The following AGBL1 variants were observed in gnomAD, a reference collection of about 807,000 sequenced individuals.
AGBL1 encodes AGBL carboxypeptidase 1, also known as cytosolic carboxypeptidase 4.
A neutral mutation model predicts 118.9 loss-of-function variants in AGBL1; 130 were observed. That is an observed-to-expected ratio of 1.09 (90% CI 0.95 to 1.26). AGBL1 has a LOEUF of 1.26. Ranked by LOEUF, AGBL1 falls within the 50% of genes most tolerant of loss-of-function variation. The pLI is 0.00. For missense variants in AGBL1, 1,584 were observed against 1,298.1 expected, an observed-to-expected ratio of 1.22 and a Z score of -3.38; for synonymous variants, 555 against 478.9, an observed-to-expected ratio of 1.16 and a Z score of -2.08.
intron 1 of AGBL1, among the ~76,000 whole-genome samples, chr15:86,117,335 T>C (rs1411599006): frequency 1.3e-5 from 2 of 152,082 alleles, no homozygotes; most frequent in Non-Finnish European, 2.9e-5. Flanking sequence ...CCTTTATTTC[T>C]CAGTATTTGA....
At position 86,667,230 on chromosome 15, in the gene AGBL1, G is replaced by GTATCTATCTATC. The variant is rs1168447837; in HGVS notation, c.2995-7040_2995-7039insCTATCTATCTAT. Among the ~76,000 whole-genome samples the GTATCTATCTATC allele has an allele frequency of 1.4e-4, 20 of 145,168 alleles. No individual in the cohort carries two copies. The East Asian group carries it at 3.1e-3, about 22-fold the overall frequency. Reference sequence around the variant, plus strand: ...TGTATGTATCTATGTATGTATGTATGTATGTATGTATGTATGTATGTATGT... The same window carrying GTATCTATCTATC: ...TGTATGTATCTATGTATGTATGTATGTATCTATCTATCTATGTATGTATGTATGTATGTATGT... On this transcript the variant is annotated intron_variant, in intron 21 of 22. Transcript: ENST00000614907.
intron 23 of AGBL1, among the ~76,000 whole-genome samples, chr15:86,969,573 A>C (rs2081087111): frequency 6.6e-6 from 1 of 152,038 alleles, no homozygotes; most frequent in African/African-American, 2.4e-5. Flanking sequence ...CTGCACAAGC[A>C]TATGCATTTG....
chr15:86,477,132 A>G (rs1343070940), intron 18 of AGBL1, among the ~76,000 whole-genome samples: 1 of 152,140 alleles, frequency 6.6e-6, no homozygotes, highest in East Asian at 1.9e-4. Flanking sequence ...GAAAGCAGGA[A>G]AGATCTAAAA....
chr15:86,768,400 T>C (rs2078126737), intron 22 of AGBL1, among the ~76,000 whole-genome samples: 1 of 151,994 alleles, frequency 6.6e-6, no homozygotes, highest in Admixed American at 6.6e-5. Flanking sequence ...CACCCAGTCT[T>C]TGATTCCCCT....
At chr15:86,986,789 C>T (rs1355006372) in intron 23 of AGBL1, among the ~76,000 whole-genome samples, 2 of 152,108 alleles carry the variant, frequency 1.3e-5, no homozygotes, top group Non-Finnish European at 2.9e-5. Context: ...TAAGTGTTTT[C>T]TGTTTCATTG....
chr15:86,800,330 A>G (rs1386014091), intron 22 of AGBL1, among the ~76,000 whole-genome samples: 1 of 152,104 alleles, frequency 6.6e-6, no homozygotes, highest in Non-Finnish European at 1.5e-5. Flanking sequence ...ACTAATTTAT[A>G]TTAGGATAGT....
chr15:86,897,764 C>CTTTTTTTTTTTTTTTTTTTTTTTTTTTT, intron 22 of AGBL1, among the ~76,000 whole-genome samples: 1 of 80,624 alleles, frequency 1.2e-5, no homozygotes, highest in Non-Finnish European at 2.2e-5. Context: ...CATCTTTTAT[C>CTTTTTTTTTTTTTTTTTTTTTTTTTTTT]TTTTTTTTTT....
chr15:86,506,482 G>C lies in AGBL1; in HGVS notation c.2556-16328G>C, dbSNP rs147636321. 5.9e-3 allele frequency among the ~76,000 whole-genome samples: 898 copies of C among 152,146 alleles called. 13 individuals are homozygous for C. Among genetic ancestry groups the C allele is most frequent in the African/African-American group, 0.02 (815 of 41,526 alleles). The stretch of plus-strand genomic sequence containing the variant: ...TCTGTTTCCATTCGGGAAGATTTGA[G>C]TCATGTCAAATAAGGACCAGTGCTG... On this transcript the variant is annotated intron_variant, in intron 18 of 22. Transcript: ENST00000614907.
At chr15:87,018,854 C>T (rs1189674034) in intron 24 of AGBL1, among the ~76,000 whole-genome samples, 2 of 152,070 alleles carry the variant, frequency 1.3e-5, no homozygotes, top group Non-Finnish European at 2.9e-5. Context: ...GAAGAAGACC[C>T]ATTGGTATGT....
intron 16 of AGBL1, among the ~76,000 whole-genome samples, chr15:86,283,356 C>T (rs982671309): frequency 6.6e-6 from 1 of 151,856 alleles, no homozygotes; most frequent in Non-Finnish European, 1.5e-5. Flanking sequence ...CAAAAGCGGT[C>T]ATTAGCAGAG....
chr15:86,633,195 C>T (rs546724534), intron 21 of AGBL1, among the ~76,000 whole-genome samples: 2 of 152,152 alleles, frequency 1.3e-5, no homozygotes, highest in South Asian at 2.1e-4. Flanking sequence ...AGTGGTGCAG[C>T]TCTGAAAAAA....
At chr15:87,006,312 G>A (rs2081502764) in intron 24 of AGBL1, among the ~76,000 whole-genome samples, 1 of 152,154 alleles carries the variant, frequency 6.6e-6, no homozygotes, top group South Asian at 2.1e-4. Context: ...GAGGCAGGCA[G>A]GCCTTCTTGA....
At chr15:86,512,812 T>C (rs1488011638) in intron 18 of AGBL1, among the ~76,000 whole-genome samples, 1 of 151,830 alleles carries the variant, frequency 6.6e-6, no homozygotes, top group Non-Finnish European at 1.5e-5. Flanking sequence ...TTATTCATGT[T>C]TGTGTTCTTT....
intron 6 of AGBL1, among the ~76,000 whole-genome samples, chr15:86,242,745 A>G (rs940014581): frequency 6.6e-6 from 1 of 152,220 alleles, no homozygotes; most frequent in Non-Finnish European, 1.5e-5. Context: ...GCAGTCCCCA[A>G]ATATGGGAAA....
chr15:86,260,964 C>T (rs2078972553), intron 9 of AGBL1, among the ~76,000 whole-genome samples: 1 of 152,220 alleles, frequency 6.6e-6, no homozygotes, highest in Non-Finnish European at 1.5e-5. Flanking sequence ...AGAGACTAAG[C>T]TCCAGAACTT....
chr15:86,146,291 G>A (rs1490082826), intron 3 of AGBL1, among the ~76,000 whole-genome samples: 1 of 152,196 alleles, frequency 6.6e-6, no homozygotes, highest in East Asian at 1.9e-4. Flanking sequence ...TATTCCCTAA[G>A]CAATACAGTT....
intron 23 of AGBL1, among the ~76,000 whole-genome samples, chr15:86,930,086 A>G (rs1489278783): frequency 6.6e-6 from 1 of 151,734 alleles, no homozygotes; most frequent in Non-Finnish European, 1.5e-5. Context: ...CTTCCCCCAG[A>G]TACTACTTAA....
downstream of AGBL1, among the ~76,000 whole-genome samples, chr15:86,917,225 G>T (rs1305855621): frequency 1.3e-5 from 2 of 152,206 alleles, no homozygotes; most frequent in Admixed American, 6.5e-5. This position sits in a 1 kb window ranked among gnomAD's most constrained non-coding sequence, Gnocchi z 4.8. Context: ...TGTGCAGTTG[G>T]TCCACCCACT....
intron 23 of AGBL1, among the ~76,000 whole-genome samples, chr15:86,945,514 CA>C (rs943483165): frequency 2.7e-5 from 4 of 149,808 alleles, no homozygotes; most frequent in African/African-American, 7.4e-5. Context: ...ACAAAAAATA[CA>C]AAAAAAAATT....
Sources: gnomAD v4.1 joint callset for allele counts (sites outside exome capture counted in the v4.1 genomes callset) on GRCh38, gnomAD v4.1.1 for gene constraint, Gnocchi (gnomAD v3.1) non-coding constraint, MANE v1.5 for transcripts, NCBI Gene and HGNC (gene_info 2026-07-23, HGNC 2026-07-21) for gene names.